ERBB4: variants seen among roughly 807,000 people sequenced by gnomAD.
ERBB4 encodes receptor tyrosine-protein kinase erbB-4.
Under a neutral mutation model 158.0 loss-of-function variants are expected in ERBB4, and 42 were observed. The ratio of observed to expected loss-of-function variants is 0.27; its 90% confidence interval spans 0.21 to 0.34. The LOEUF is 0.34. Ranked by LOEUF, ERBB4 falls within the 10% of genes least tolerant of loss-of-function variation. The pLI is 1.00. For missense variants in ERBB4, 1,333 were observed against 1,624.1 expected (o/e 0.82, Z 3.08); for synonymous variants, 583 against 558.7 (o/e 1.04, Z -0.61).
chr2:212,179,337 G>T lies in ERBB4; in HGVS notation c.83-54434C>A, dbSNP rs554637271. Among the ~76,000 whole-genome samples, 171 of 55,030 alleles carry T rather than the reference G, an allele frequency of 3.1e-3. 1 individual carries two copies. Among genetic ancestry groups the T allele is most frequent in the African/African-American group, 0.01 (161 of 15,954 alleles). 36.1% of individuals were successfully genotyped at this position (55,030 alleles called of 152,430 possible). On this transcript the variant is annotated intron_variant, in intron 1 of 27. Transcript: ENST00000342788. ...TACACAGTCCAATCCAGAAAACATT[G>T]AGAGCTTTTTTTTTTTTGTATGACT... is the stretch of plus-strand genomic sequence containing the variant.
At chr2:211,578,396 T>C (rs1396783908) in intron 19 of ERBB4, among the ~76,000 whole-genome samples, 1 of 152,174 alleles carries the variant, frequency 6.6e-6, no homozygotes, top group Non-Finnish European at 1.5e-5. Flanking sequence ...ATTTATAGAT[T>C]CAACGTTATT....
Position 211,623,859 on chromosome 2 carries a change from G to A in ERBB4, c.2202+63C>T, listed in dbSNP as rs1230230742. Reference sequence around the variant, plus strand: ...GTTGTCTAAAGTAATAACTCCATTGGCTATTATTTTCTAAACATCTAAAAC... The same window carrying A: ...GTTGTCTAAAGTAATAACTCCATTGACTATTATTTTCTAAACATCTAAAAC... On this transcript the variant is annotated intron_variant, in intron 18 of 27. Coordinates refer to ENST00000342788, the MANE Select transcript of ERBB4 (RefSeq NM_005235.3). The A allele has an allele frequency of 8.0e-6, 12 of 1,508,502 alleles. No individual in the cohort carries two copies. In the East Asian group the frequency reaches 2.7e-4, roughly 34 times the overall value. The allele number at this position is 1,508,502 out of a possible 1,614,324, so 93.4% of individuals were successfully genotyped here. A position where few individuals can be genotyped will look rare whatever the true frequency, so the allele number is the denominator to read the frequency against.
intron 3 of ERBB4, among the ~76,000 whole-genome samples, chr2:211,862,611 A>G (rs1156541151): frequency 6.6e-6 from 1 of 152,010 alleles, no homozygotes; most frequent in African/African-American, 2.4e-5. Flanking sequence ...ATAAAAAAGG[A>G]ACTTTTAGAA....
At chr2:211,729,112 C>G (rs1378425270) in intron 5 of ERBB4, among the ~76,000 whole-genome samples, 2 of 151,556 alleles carry the variant, frequency 1.3e-5, no homozygotes, top group African/African-American at 4.8e-5. Flanking sequence ...TGGAAGAAAA[C>G]TTAAAATTTT....
At chr2:211,429,619 A>AGTT (rs776344595) in intron 21 of ERBB4, among the ~76,000 whole-genome samples, 3 of 152,200 alleles carry the variant, frequency 2.0e-5, no homozygotes, top group Non-Finnish European at 4.4e-5. Flanking sequence ...TCTACTTTGC[A>AGTT]GTTGAAAGCT....
chr2:211,618,257 T>G (rs968947392), intron 19 of ERBB4, among the ~76,000 whole-genome samples: 2 of 152,058 alleles, frequency 1.3e-5, no homozygotes, highest in African/African-American at 2.4e-5. Flanking sequence ...ATAACCATAA[T>G]AAAATAAAAC....
intron 2 of ERBB4, among the ~76,000 whole-genome samples, chr2:212,048,932 C>T (rs1259442562): frequency 6.6e-6 from 1 of 152,154 alleles, no homozygotes; most frequent in East Asian, 1.9e-4. Context: ...ATTCTGTCAT[C>T]AACCAGTTGG....
Position 211,947,481 on chromosome 2 carries a change from T to C in ERBB4, c.370A>G (p.Arg124Gly). The C allele has an allele frequency of 1.2e-6, 2 of 1,613,912 alleles. No homozygotes were observed. Among genetic ancestry groups the C allele is most frequent in the South Asian group, 2.2e-5 (2 of 91,082 alleles). Residue 124 changes from arginine to glycine, a missense_variant, in exon 3 of 28, where the codon AGA becomes GGA. Arg to Gly is a moderately radical substitution (Grantham distance 125). Around this residue, in one of 5 missense-constraint regions of ERBB4, gnomAD observed 438 missense variants for 586.9 expected, o/e 0.75. Coordinates refer to ENST00000342788, the MANE Select transcript of ERBB4 (RefSeq NM_005235.3). ...TGAAGTCCAAAGTTTCCATCTTTTC[T>C]GTAGTTTAAAAATATTGCCAAGGCA... ...RYALAIFLNYRKDGNFGLQEL... is the reference protein window; with the variant it reads ...RYALAIFLNYGKDGNFGLQEL...
chr2:212,268,271 T>C (rs1255607785), intron 1 of ERBB4, among the ~76,000 whole-genome samples: 3 of 151,888 alleles, frequency 2.0e-5, no homozygotes, highest in Non-Finnish European at 4.4e-5. Context: ...TTAGATCCTC[T>C]GATTTAATGA....
intron 20 of ERBB4, among the ~76,000 whole-genome samples, chr2:211,532,928 T>G (rs2125666732): frequency 6.6e-6 from 1 of 151,968 alleles, no homozygotes; most frequent in South Asian, 2.1e-4. Flanking sequence ...TTCTATGCAG[T>G]TATTTACAAA....
At chr2:212,375,575 T>C (rs1449246338) in intron 1 of ERBB4, among the ~76,000 whole-genome samples, 1 of 152,104 alleles carries the variant, frequency 6.6e-6, no homozygotes, top group Non-Finnish European at 1.5e-5. Flanking sequence ...TGATTCTGGA[T>C]GTTACAGTTC....
At chr2:211,385,457 C>T (rs1370754686) in intron 27 of ERBB4, among the ~76,000 whole-genome samples, 1 of 151,912 alleles carries the variant, frequency 6.6e-6, no homozygotes, top group Non-Finnish European at 1.5e-5. Context: ...TTATTATTGC[C>T]CCTGCAGGAG....
chr2:211,524,798 C>T (rs541073890), intron 20 of ERBB4, among the ~76,000 whole-genome samples: 138 of 152,286 alleles, frequency 9.1e-4, no homozygotes, highest in African/African-American at 2.8e-3. Flanking sequence ...CGGCTCTGGC[C>T]TTGGCCAGCC....
chr2:212,235,142 T>G (rs2083815637), intron 1 of ERBB4, among the ~76,000 whole-genome samples: 1 of 152,210 alleles, frequency 6.6e-6, no homozygotes, highest in Non-Finnish European at 1.5e-5. Context: ...CATCTTGACT[T>G]AATTTTTGTA....
intron 1 of ERBB4, among the ~76,000 whole-genome samples, chr2:212,284,695 T>C (rs1009072469): frequency 6.6e-6 from 1 of 152,146 alleles, no homozygotes; most frequent in Non-Finnish European, 1.5e-5. Context: ...CATTTGCTTG[T>C]TGTCTTTAGA....
At chr2:211,666,894 T>C (rs1013847632) in intron 14 of ERBB4, among the ~76,000 whole-genome samples, 8 of 152,284 alleles carry the variant, frequency 5.3e-5, no homozygotes, top group South Asian at 4.1e-4. Context: ...TTTGTAGTTA[T>C]AAACAATGAG....
chr2:211,521,664 A>C (rs968965896), intron 20 of ERBB4, among the ~76,000 whole-genome samples: 1 of 152,152 alleles, frequency 6.6e-6, no homozygotes, highest in Non-Finnish European at 1.5e-5. Flanking sequence ...AGCCAGAGAG[A>C]AGTCAATGCC....
chr2:212,232,904 T>A lies in ERBB4; in HGVS notation c.83-108001A>T, dbSNP rs1559804166. 2.0e-5 allele frequency among the ~76,000 whole-genome samples: 3 copies of A among 152,006 alleles called. No homozygotes were observed. In the South Asian group the frequency reaches 6.3e-4, roughly 32 times the overall value. Reference sequence around the variant, plus strand: ...TCCCTTGCGCTACAGAGATTTTTAATGCAATTATTAAAATAAAATTCAAAA... The same window carrying A: ...TCCCTTGCGCTACAGAGATTTTTAAAGCAATTATTAAAATAAAATTCAAAA... On this transcript the variant is annotated intron_variant, in intron 1 of 27. Transcript: ENST00000342788.
chr2:211,626,088 A>G (rs1368237429), intron 17 of ERBB4, among the ~76,000 whole-genome samples: 1 of 152,170 alleles, frequency 6.6e-6, no homozygotes, highest in Non-Finnish European at 1.5e-5. Context: ...TTTATTTCTT[A>G]TCTGTGAAGT....
Sources: gnomAD v4.1 joint callset for allele counts (sites outside exome capture counted in the v4.1 genomes callset) on GRCh38, gnomAD v4.1.1 for gene constraint, gnomAD v4.1.1 regional missense constraint, MANE v1.5 for transcripts, NCBI Gene and HGNC (gene_info 2026-07-23, HGNC 2026-07-21) for gene names.